OPRD1: variants seen among roughly 807,000 people sequenced by gnomAD.
OPRD1 encodes opioid receptor delta 1, also known as delta-type opioid receptor.
In OPRD1, 19 loss-of-function variants were observed where a neutral mutation model predicts 17.5. The ratio of observed to expected loss-of-function variants is 1.09; its 90% CI spans 0.76 to 1.60. The LOEUF is 1.60. Ranked by LOEUF, OPRD1 falls within the 40% of genes most tolerant of loss-of-function variation. OPRD1 has a pLI of 0.00. For missense variants in OPRD1, 483 were observed against 547.2 expected, an observed-to-expected ratio of 0.88 and a Z score of 1.17; for synonymous variants, 256 against 240.9, an observed-to-expected ratio of 1.06 and a Z score of -0.58.
intron 1 of OPRD1, among the ~76,000 whole-genome samples, chr1:28,852,040 G>A (rs1398196737): frequency 1.3e-5 from 2 of 151,242 alleles, no homozygotes; most frequent in East Asian, 3.9e-4. Flanking sequence ...GGTGGCGGGT[G>A]CCTGTAGTCC....
At chr1:28,846,874 CTT>C (rs543527789) in intron 1 of OPRD1, among the ~76,000 whole-genome samples, 57,373 of 142,314 alleles carry the variant, frequency 0.4, 13,632 homozygotes, top group East Asian at 0.86. Flanking sequence ...TTCTTTCTTT[CTT>C]TCTTTCTTTC....
At chr1:28,832,093 G>A (rs577232788) in intron 1 of OPRD1, among the ~76,000 whole-genome samples, 2 of 152,218 alleles carry the variant, frequency 1.3e-5, no homozygotes, top group African/African-American at 4.8e-5. Flanking sequence ...TGTCCATGAA[G>A]CAGTGTCCAT....
At chr1:28,819,215 G>A (rs1299436897) in intron 1 of OPRD1, among the ~76,000 whole-genome samples, 2 of 152,044 alleles carry the variant, frequency 1.3e-5, no homozygotes, top group African/African-American at 2.4e-5. Context: ...GGTGGTGCAT[G>A]CCTGTAATCT....
intron 1 of OPRD1, among the ~76,000 whole-genome samples, chr1:28,841,714 A>T (rs1178986624): frequency 3.3e-5 from 5 of 150,786 alleles, no homozygotes; most frequent in Admixed American, 6.6e-5. Flanking sequence ...TTATTTATTT[A>T]TTATTATTAT....
chr1:28,828,319 C>CT (rs2088782722), intron 1 of OPRD1, among the ~76,000 whole-genome samples: 1 of 152,142 alleles, frequency 6.6e-6, no homozygotes, highest in South Asian at 2.1e-4. Flanking sequence ...TGAAAGGAAT[C>CT]TTTTTTTCTG....
chr1:28,825,294 C>G (rs2124264169), intron 1 of OPRD1, among the ~76,000 whole-genome samples: 1 of 152,308 alleles, frequency 6.6e-6, no homozygotes, highest in South Asian at 2.1e-4. Context: ...TCCCCTTGCT[C>G]CCTCTCCTTG....
chr1:28,862,275 C>T (rs2089130576), intron 2 of OPRD1, among the ~76,000 whole-genome samples: 1 of 152,126 alleles, frequency 6.6e-6, no homozygotes, highest in African/African-American at 2.4e-5. Flanking sequence ...TCATTAGCCC[C>T]ACTCCACTGA....
chr1:28,863,246 C>A lies in OPRD1; in HGVS notation c.1082C>A (p.Thr361Asn), dbSNP rs751125712. The change falls in exon 3 of 3, where the codon ACC (threonine) becomes AAC (asparagine). Residue 361 changes from threonine to asparagine, a missense_variant. Physicochemically the swap from Thr to Asn is moderately conservative, Grantham distance 65 (BLOSUM62 0). Coordinates refer to ENST00000234961, the MANE Select transcript of OPRD1 (RefSeq NM_000911.4). ...ATARERVTAC[T>N]PSDGPGGGAA... is the part of the protein sequence containing the mutation. ...GCCCGCGAGCGTGTCACCGCCTGCACCCCGTCCGATGGTCCCGGCGGTGGC... is the reference window on the plus strand; with the variant it reads ...GCCCGCGAGCGTGTCACCGCCTGCAACCCGTCCGATGGTCCCGGCGGTGGC... The A allele has an allele frequency of 4.4e-5, 68 of 1,534,010 alleles. No individual in the cohort carries two copies. Among genetic ancestry groups the A allele is most frequent in the Admixed American group, 2.2e-4 (11 of 49,016 alleles).
chr1:28,825,484 CA>C (rs1225381121), intron 1 of OPRD1, among the ~76,000 whole-genome samples: 1 of 152,194 alleles, frequency 6.6e-6, no homozygotes, highest in Non-Finnish European at 1.5e-5. Context: ...CTCCCGGGTT[CA>C]AGCGATTCTC....
In OPRD1 at chr1:28,846,821, T is replaced by TTTTCTTTC. The variant is rs1196638603; in HGVS notation, c.228-12113_228-12106dup. The stretch of plus-strand genomic sequence containing the variant: ...TTGTATCACATGGAGGCTGTTTGCA[T>TTTTCTTTC]TTTCTTTCTTTCTTTCTTTCTTTCT... On this transcript the variant is annotated intron_variant, in intron 1 of 2. Transcript: ENST00000234961. Among the ~76,000 whole-genome samples, 394 of 103,602 alleles carry TTTTCTTTC rather than the reference T, an allele frequency of 3.8e-3. 6 individuals are homozygous for TTTTCTTTC. The highest frequency in any genetic ancestry group is 0.012 in the African/African-American group (360 of 30,266). The allele number at this position is 103,602 out of a possible 152,430, so 68.0% of individuals were successfully genotyped here.
intron 1 of OPRD1, among the ~76,000 whole-genome samples, chr1:28,848,600 C>G (rs777718751): frequency 1.2e-4 from 18 of 152,224 alleles, no homozygotes; most frequent in Admixed American, 2.0e-4. Flanking sequence ...GTGCCTGGCA[C>G]AGTTCAAGTG....
chr1:28,840,003 T>C (rs900417275), intron 1 of OPRD1, among the ~76,000 whole-genome samples: 3 of 152,204 alleles, frequency 2.0e-5, no homozygotes, highest in Non-Finnish European at 4.4e-5. Context: ...CCCTGGCACC[T>C]GCACTCAGGG....
chr1:28,846,267 C>G (rs2088941790), intron 1 of OPRD1, among the ~76,000 whole-genome samples: 1 of 152,150 alleles, frequency 6.6e-6, no homozygotes, highest in Admixed American at 6.6e-5. Context: ...GTTGCTGTGT[C>G]TTAGATCAAA....
intron 1 of OPRD1, among the ~76,000 whole-genome samples, chr1:28,847,321 G>C (rs1194980882): frequency 1.3e-5 from 2 of 152,098 alleles, no homozygotes; most frequent in African/African-American, 2.4e-5. Context: ...CAAAGTGCTG[G>C]GATTACAGCC....
intron 1 of OPRD1, among the ~76,000 whole-genome samples, chr1:28,839,514 G>A (rs1313784843): frequency 6.6e-6 from 1 of 152,182 alleles, no homozygotes; most frequent in East Asian, 1.9e-4. Context: ...CACTGGATTT[G>A]GTTGGAGACC....
intron 1 of OPRD1, among the ~76,000 whole-genome samples, chr1:28,814,425 T>A (rs1411509848): frequency 2.0e-5 from 3 of 152,160 alleles, no homozygotes; most frequent in Non-Finnish European, 4.4e-5. Context: ...ATTTTCTAGA[T>A]CCTGTAGAAT....
At chr1:28,861,027 G>A (rs2089111791) in intron 2 of OPRD1, among the ~76,000 whole-genome samples, 1 of 152,184 alleles carries the variant, frequency 6.6e-6, no homozygotes, top group Non-Finnish European at 1.5e-5. Flanking sequence ...CTTTCCCAGT[G>A]TGTGCCATCA....
chr1:28,824,110 C>T (rs59670355), intron 1 of OPRD1, among the ~76,000 whole-genome samples: 23 of 142,116 alleles, frequency 1.6e-4, no homozygotes, highest in Admixed American at 3.7e-4. Flanking sequence ...GCCTGGGAGG[C>T]GGAGGTTGCA....
At chr1:28,823,239 C>T (rs2088731302) in intron 1 of OPRD1, among the ~76,000 whole-genome samples, 1 of 147,728 alleles carries the variant, frequency 6.8e-6, no homozygotes, top group African/African-American at 2.5e-5. Context: ...CTTTATCACC[C>T]AGGCTGGAGT....
Sources: allele counts gnomAD v4.1 joint callset (sites outside exome capture counted in the v4.1 genomes callset), GRCh38; gene constraint gnomAD v4.1.1; transcripts MANE v1.5; gene names NCBI Gene and HGNC (gene_info 2026-07-23, HGNC 2026-07-21).